Variants in SLC1A4 observed in about 807,000 individuals in gnomAD.
SLC1A4 encodes neutral amino acid transporter A.
Under a neutral mutation model 37.7 loss-of-function variants are expected in SLC1A4, and 19 were observed. The ratio of observed to expected loss-of-function variants is 0.50; its 90% CI spans 0.35 to 0.74. The LOEUF (loss-of-function observed/expected upper bound fraction) is 0.74. Among genes scored for constraint, SLC1A4 ranks in the 30% least tolerant of loss-of-function variants. SLC1A4 has a pLI of 0.01. For synonymous variants in SLC1A4, 299 were observed against 309.8 expected (o/e 0.97, Z 0.37); for missense variants, 570 against 712.9 (o/e 0.80, Z 2.28).
At position 65,020,855 on chromosome 2, in the gene SLC1A4, G is replaced by C; in HGVS notation, c.1365-57G>C. 51 of 1,455,288 alleles carry C rather than the reference G, an allele frequency of 3.5e-5. 2 individuals are homozygous for C. In the South Asian group the frequency reaches 5.9e-4, roughly 17 times the overall value. 90.1% of individuals were successfully genotyped at this position (1,455,288 alleles called of 1,614,324 possible). On this transcript the variant is annotated intron_variant, in intron 7 of 7. Coordinates refer to ENST00000234256, the MANE Select transcript of SLC1A4 (RefSeq NM_003038.5). ...TTCCTTCGGCATCCAGGCTGCCTGT[G>C]ACAGGACCCGATCGCCCAGCAGTAG...
chr2:65,023,801 A>T lies in SLC1A4; in HGVS notation c.*2655A>T, dbSNP rs1321368930. On this transcript the variant is annotated 3_prime_UTR_variant, in exon 8 of 8. Transcript: ENST00000234256. ...GATACTGCTCATCTGACTGTTTTGT[A>T]CATGTGACAATTGCCTTAAAACCTA... 6.6e-6 allele frequency: 1 copy of T among 152,670 alleles called. No homozygotes were observed. Among genetic ancestry groups the T allele is most frequent in the African/African-American group, 2.4e-5 (1 of 41,444 alleles). 9.5% of individuals were successfully genotyped at this position (152,670 alleles called of 1,614,324 possible).
rs760239637 is a variant in SLC1A4 at position 65,001,485 on chromosome 2, C to T, written c.565C>T (p.Arg189Cys). 19 of 1,613,374 alleles carry T rather than the reference C, an allele frequency of 1.2e-5. No individual in the cohort carries two copies. Among genetic ancestry groups the T allele is most frequent in the Admixed American group, 1.0e-4 (6 of 59,990 alleles). Residue 189 changes from arginine (R) to cysteine (C), a missense_variant, in exon 2 of 8, where the codon CGT becomes TGT. Physicochemically the swap from Arg to Cys is radical, Grantham distance 180. Transcript: ENST00000234256. Reference protein sequence around the residue: ...FPSNLVVAAFRTYATDYKVVT... With the variant: ...FPSNLVVAAFCTYATDYKVVT... ...CTCCAATCTTGTGGTTGCAGCTTTC[C>T]GTACGGTAAGGCTTGATACTTTGCT...
Position 64,990,143 on chromosome 2 carries a change from C to T in SLC1A4, c.500C>T (p.Thr167Met), listed in dbSNP as rs553115234. The T allele has an allele frequency of 7.5e-6, 12 of 1,608,770 alleles. No individual in the cohort carries two copies. The African/African-American group carries it at 1.5e-4, about 20-fold the overall frequency. Residue 167 changes from threonine (T) to methionine (M), a missense_variant, in exon 1 of 8, where the codon ACG (threonine) becomes ATG (methionine). By Grantham distance (81) the Thr-to-Met change is moderately conservative (BLOSUM62 -1). Transcript: ENST00000234256. ...DSGPPPVPKE[T>M]VDSFLDLARN... Reference sequence around the variant, plus strand: ...GGGCCTCCTCCTGTCCCCAAAGAGACGGTGGACTCTTTCCTCGACCTGGCC... The same window carrying T: ...GGGCCTCCTCCTGTCCCCAAAGAGATGGTGGACTCTTTCCTCGACCTGGCC...
At chr2:65,001,156 G>A (rs1328158395) in intron 1 of SLC1A4, 6 of 313,572 alleles carry the variant, frequency 1.9e-5, no homozygotes, top group Admixed American at 1.5e-4. Context: ...AAAAGGTGCA[G>A]TGTCAGCTAG....
intron 3 of SLC1A4, among the ~76,000 whole-genome samples, chr2:65,010,061 A>T: frequency 6.6e-6 from 1 of 151,944 alleles, no homozygotes; most frequent in East Asian, 1.9e-4. Flanking sequence ...CCTCCCAAGT[A>T]GCTGGGATTA....
rs1166901390 is a variant in SLC1A4 at position 65,016,474 on chromosome 2, A to G, written c.835A>G (p.Ser279Gly). The G allele has an allele frequency of 1.9e-6, 3 of 1,614,216 alleles. No homozygotes were observed. The highest frequency in any genetic ancestry group is 4.5e-5 in the East Asian group (2 of 44,884). ...TGTGGGCATCATGTTCCTTGTTGGA[A>G]GCAAGATCGTGGAAATGAAAGACAT... ...VPVGIMFLVG[S>G]KIVEMKDIIV... Residue 279 changes from serine (S) to glycine (G), a missense_variant, in exon 5 of 8, where the codon AGC becomes GGC. By Grantham distance (56) the Ser-to-Gly change is moderately conservative. Coordinates refer to ENST00000234256, the MANE Select transcript of SLC1A4 (RefSeq NM_003038.5).
Position 65,018,696 on chromosome 2 carries a change from G to C in SLC1A4, c.1364+17G>C, listed in dbSNP as rs1674286668. ...CTGGATTGTGTAAGTAACAAGTCCT[G>C]AGAACACCAAAAAGAGTCTGCACTG... On this transcript the variant is annotated intron_variant, in intron 7 of 7. Transcript: ENST00000234256. The surrounding 1 kb of genome is among the most constrained non-coding windows in gnomAD (Gnocchi z 4.3). 2 of 1,613,782 alleles carry C rather than the reference G, an allele frequency of 1.2e-6. No individual in the cohort carries two copies. Among genetic ancestry groups the C allele is most frequent in the African/African-American group, 2.7e-5 (2 of 75,038 alleles).
chr2:65,022,734 C>T lies in SLC1A4; in HGVS notation c.*1588C>T, dbSNP rs1053911148. On this transcript the variant is annotated 3_prime_UTR_variant, in exon 8 of 8. Coordinates refer to ENST00000234256, the MANE Select transcript of SLC1A4 (RefSeq NM_003038.5). Reference sequence around the variant, plus strand: ...TCAAGTTTTCATGAACTAGCAACCCCACCTTCCACCATGGTTCTGGGCGCC... The same window carrying T: ...TCAAGTTTTCATGAACTAGCAACCCTACCTTCCACCATGGTTCTGGGCGCC... 6.6e-6 allele frequency: 1 copy of T among 152,196 alleles called. No individual in the cohort carries two copies. The highest frequency in any genetic ancestry group is 2.4e-5 in the African/African-American group (1 of 41,404). The allele number at this position is 152,196 out of a possible 1,614,324, so 9.4% of individuals were successfully genotyped here.
intron 3 of SLC1A4, among the ~76,000 whole-genome samples, chr2:65,007,871 G>A (rs1673748788): frequency 6.6e-6 from 1 of 152,166 alleles, no homozygotes. Flanking sequence ...GAAATGTACA[G>A]TAAATTATTG....
chr2:64,990,116 C>G lies in SLC1A4; in HGVS notation c.473C>G (p.Ser158Trp). 2 of 1,611,020 alleles carry G rather than the reference C, an allele frequency of 1.2e-6. No homozygotes were observed. The highest frequency in any genetic ancestry group is 1.7e-6 in the Non-Finnish European group (2 of 1,178,826). Residue 158 changes from serine to tryptophan, a missense_variant, in exon 1 of 8, where the codon TCG becomes TGG. By Grantham distance (177) the Ser-to-Trp change is radical. Transcript: ENST00000234256. ...LQSSDLGLED[S>W]GPPPVPKETV... ...TCCAGCGACCTGGGGCTGGAGGACT[C>G]GGGGCCTCCTCCTGTCCCCAAAGAG... is the stretch of plus-strand genomic sequence containing the variant.
chr2:65,017,269 G>C (rs1208035597), intron 5 of SLC1A4, among the ~76,000 whole-genome samples: 1 of 151,794 alleles, frequency 6.6e-6, no homozygotes, highest in Middle Eastern at 3.4e-3. Context: ...TGGATGCTTA[G>C]CCCTCTAGGA....
chr2:64,996,792 G>A (rs888792915), intron 1 of SLC1A4, among the ~76,000 whole-genome samples: 1 of 152,130 alleles, frequency 6.6e-6, no homozygotes, highest in Admixed American at 6.5e-5. Context: ...TAAATGAGGG[G>A]ATAGAACTGG....
intron 2 of SLC1A4, among the ~76,000 whole-genome samples, chr2:65,001,788 C>T (rs1320616075): frequency 1.3e-5 from 2 of 152,076 alleles, no homozygotes; most frequent in African/African-American, 4.8e-5. Flanking sequence ...ATATTGTACA[C>T]TTTTTTAAAA....
At position 65,018,990 on chromosome 2, in the gene SLC1A4, T is replaced by C. The variant is rs1674300645; in HGVS notation, c.1364+311T>C. ...CCAAGGGACACGAGGGTCTATGGAG[T>C]TGCTGACTGCATAGGAGTAATAAGT... On this transcript the variant is annotated intron_variant, in intron 7 of 7. Coordinates refer to ENST00000234256, the MANE Select transcript of SLC1A4 (RefSeq NM_003038.5). The surrounding 1 kb of genome is among the most constrained non-coding windows in gnomAD (Gnocchi z 4.3). Among the ~76,000 whole-genome samples the C allele has an allele frequency of 6.6e-6, 1 of 152,098 alleles. No homozygotes were observed. Among genetic ancestry groups the C allele is most frequent in the African/African-American group, 2.4e-5 (1 of 41,376 alleles).
chr2:65,012,069 G>A (rs755408893), intron 4 of SLC1A4, among the ~76,000 whole-genome samples: 11 of 148,632 alleles, frequency 7.4e-5, no homozygotes, highest in Non-Finnish European at 1.5e-4. Context: ...GCACCCAGCC[G>A]CTTCTACTTG....
At chr2:65,009,386 AAAAAG>A (rs1179783422) in intron 3 of SLC1A4, among the ~76,000 whole-genome samples, 1 of 123,380 alleles carries the variant, frequency 8.1e-6, no homozygotes. Context: ...AAAGAAAAAA[AAAAAG>A]AAAAGAAAGA....
intron 3 of SLC1A4, among the ~76,000 whole-genome samples, chr2:65,009,931 G>GA (rs1243627444): frequency 6.6e-6 from 1 of 151,000 alleles, no homozygotes; most frequent in African/African-American, 2.5e-5. Context: ...TTATCTGAAG[G>GA]AAATTTTTTT....
At chr2:65,013,731 C>G (rs938403138) in intron 4 of SLC1A4, among the ~76,000 whole-genome samples, 1 of 152,176 alleles carries the variant, frequency 6.6e-6, no homozygotes, top group African/African-American at 2.4e-5. Flanking sequence ...GTATGGGAGG[C>G]ATTGTCAGTA....
At chr2:65,009,681 G>A (rs535632483) in intron 3 of SLC1A4, among the ~76,000 whole-genome samples, 3 of 152,394 alleles carry the variant, frequency 2.0e-5, no homozygotes, top group Admixed American at 1.3e-4. Flanking sequence ...ATATGTGTTG[G>A]TGGGATAAAA....
Sources: gnomAD v4.1 joint callset for allele counts (sites outside exome capture counted in the v4.1 genomes callset) on GRCh38, gnomAD v4.1.1 for gene constraint, Gnocchi (gnomAD v3.1) non-coding constraint, MANE v1.5 for transcripts, NCBI Gene and HGNC (gene_info 2026-07-23, HGNC 2026-07-21) for gene names.